Variants in OPCML observed in about 807,000 individuals in gnomAD.
The protein encoded by OPCML is opioid-binding protein/cell adhesion molecule.
A neutral mutation model predicts 37.8 loss-of-function variants in OPCML; 13 were observed. That is an observed-to-expected ratio of 0.34 (90% CI 0.22 to 0.55). The LOEUF is 0.55. Among genes scored for constraint, OPCML ranks in the 20% least tolerant of loss-of-function variants. The pLI, the probability that OPCML is intolerant of heterozygous loss-of-function variation, is 0.91. For missense variants in OPCML, 341 were observed against 435.6 expected (o/e 0.78, Z 1.93); for synonymous variants, 176 against 168.8 (o/e 1.04, Z -0.33).
chr11:132,631,568 G>T lies in OPCML; in HGVS notation c.379+25519C>A, dbSNP rs1020711343. Among the ~76,000 whole-genome samples, 18 of 150,484 alleles carry T rather than the reference G, an allele frequency of 1.2e-4. No individual in the cohort carries two copies. The South Asian group carries it at 3.8e-3, about 31-fold the overall frequency. On this transcript the variant is annotated intron_variant, in intron 3 of 7. Coordinates refer to ENST00000524381, the MANE Select transcript of OPCML (RefSeq NM_001012393.5). ...TCCGCCTCCCGGGTTCACGCCATTC[G>T]CCTGCCTCAGCCTCCCGAGTAGCTG...
At chr11:132,530,567 G>C (rs1451001571) in intron 3 of OPCML, among the ~76,000 whole-genome samples, 1 of 152,080 alleles carries the variant, frequency 6.6e-6, no homozygotes, top group Non-Finnish European at 1.5e-5. Flanking sequence ...TACCATGTTT[G>C]ACAAACAAAC....
chr11:133,271,574 T>C (rs951851967), intron 1 of OPCML, among the ~76,000 whole-genome samples: 3 of 152,224 alleles, frequency 2.0e-5, no homozygotes, highest in Admixed American at 6.5e-5. Flanking sequence ...AACACATGCA[T>C]TGTTTCACTG....
chr11:133,449,238 C>CT (rs1165322686), intron 1 of OPCML, among the ~76,000 whole-genome samples: 1 of 152,162 alleles, frequency 6.6e-6, no homozygotes, highest in African/African-American at 2.4e-5. Context: ...GATCAACAAG[C>CT]TTTTTTCTGC....
chr11:133,281,108 G>T lies in OPCML; in HGVS notation c.61+251156C>A, dbSNP rs116006184. ...TGTCCCTCACTGGGCATCACCCCTC[G>T]CTCTAGAGACACTTTGGAAGCTTGG... On this transcript the variant is annotated intron_variant, in intron 1 of 7. Coordinates refer to ENST00000524381, the MANE Select transcript of OPCML (RefSeq NM_001012393.5). 3.9e-5 allele frequency among the ~76,000 whole-genome samples: 6 copies of T among 152,212 alleles called. No homozygotes were observed. The East Asian group carries it at 7.7e-4, about 20-fold the overall frequency.
intron 4 of OPCML, among the ~76,000 whole-genome samples, chr11:132,448,550 T>A (rs1360617877): frequency 6.6e-6 from 1 of 152,078 alleles, no homozygotes; most frequent in Non-Finnish European, 1.5e-5. Flanking sequence ...GGGGCAGGGG[T>A]CCCTTTGAAA....
At chr11:133,165,409 A>G (rs1038018271) in intron 1 of OPCML, among the ~76,000 whole-genome samples, 1 of 151,640 alleles carries the variant, frequency 6.6e-6, no homozygotes, top group Non-Finnish European at 1.5e-5. Context: ...CCTCCTGGAG[A>G]CCCTCCCTGG....
chr11:132,942,144 G>A (rs550240564), intron 2 of OPCML, among the ~76,000 whole-genome samples: 3 of 152,294 alleles, frequency 2.0e-5, no homozygotes, highest in Admixed American at 6.5e-5. Context: ...CTGGTGGAAA[G>A]TGGTGGCTGC....
intron 2 of OPCML, among the ~76,000 whole-genome samples, chr11:132,785,391 C>T (rs1591607088): frequency 6.6e-6 from 1 of 152,174 alleles, no homozygotes; most frequent in African/African-American, 2.4e-5. Flanking sequence ...ATTGCTTCTG[C>T]ATCCAAGCAT....
At chr11:132,954,106 T>G (rs1945922887) in intron 1 of OPCML, among the ~76,000 whole-genome samples, 1 of 151,044 alleles carries the variant, frequency 6.6e-6, no homozygotes, top group Admixed American at 6.6e-5. Context: ...ACTACTTCAT[T>G]CAAACATTCT....
At position 132,768,145 on chromosome 11, in the gene OPCML, C is replaced by A. The variant is rs532673296; in HGVS notation, c.147-110826G>T. ...GCTGCTTTTGAAACACCAGTGTACT[C>A]AGCTTTTTCTTGTAACAAGGTACCT... On this transcript the variant is annotated intron_variant, in intron 2 of 7. Coordinates refer to ENST00000524381, the MANE Select transcript of OPCML (RefSeq NM_001012393.5). Among the ~76,000 whole-genome samples, 5 of 152,304 alleles carry A rather than the reference C, an allele frequency of 3.3e-5. No individual in the cohort carries two copies. In the South Asian group the frequency reaches 1.0e-3, roughly 32 times the overall value.
intron 3 of OPCML, among the ~76,000 whole-genome samples, chr11:132,654,374 TCAAGAGAAACTCCTCCC>T (rs1314824017): frequency 1.3e-3 from 197 of 150,494 alleles, no homozygotes; most frequent in African/African-American, 4.6e-3. Context: ...AACGTCATCA[TCAAGAGAAACTCCTCCC>T]CAAGAGAAGA....
intron 2 of OPCML, among the ~76,000 whole-genome samples, chr11:132,826,959 T>C (rs1415738502): frequency 6.6e-6 from 1 of 152,144 alleles, no homozygotes; most frequent in African/African-American, 2.4e-5. Context: ...GGGAGACAGA[T>C]ATATAGAACA....
At chr11:133,386,291 A>T (rs773040206) in intron 1 of OPCML, among the ~76,000 whole-genome samples, 47 of 152,232 alleles carry the variant, frequency 3.1e-4, no homozygotes, top group Non-Finnish European at 5.9e-4. Context: ...AGTGAATGGA[A>T]TCTTAATTAG....
chr11:132,696,541 T>A (rs1248046521), intron 2 of OPCML, among the ~76,000 whole-genome samples: 1 of 152,080 alleles, frequency 6.6e-6, no homozygotes, highest in Non-Finnish European at 1.5e-5. Context: ...TAGAAGTAAT[T>A]GTCAGGGAAA....
intron 1 of OPCML, among the ~76,000 whole-genome samples, chr11:133,448,046 G>T (rs908606156): frequency 9.2e-5 from 14 of 152,144 alleles, no homozygotes; most frequent in African/African-American, 3.4e-4. Context: ...TTTTGAAAAA[G>T]TCCAATGTAT....
intron 1 of OPCML, among the ~76,000 whole-genome samples, chr11:133,490,146 C>T (rs547765228): frequency 1.3e-5 from 2 of 152,228 alleles, no homozygotes; most frequent in African/African-American, 4.8e-5. Context: ...CTTCAGAGAG[C>T]TTGTTGTTTC....
intron 4 of OPCML, among the ~76,000 whole-genome samples, chr11:132,477,563 A>G (rs1565595805): frequency 6.6e-6 from 1 of 152,208 alleles, no homozygotes; most frequent in African/African-American, 2.4e-5. Context: ...TATGGCTAAG[A>G]GAAGAGGGCA....
At chr11:133,192,036 A>G (rs1160373964) in intron 1 of OPCML, among the ~76,000 whole-genome samples, 1 of 152,242 alleles carries the variant, frequency 6.6e-6, no homozygotes, top group Non-Finnish European at 1.5e-5. Flanking sequence ...CTAGATAGGT[A>G]CAGTAAAAAA....
At chr11:132,898,699 C>A (rs1246348052) in intron 2 of OPCML, among the ~76,000 whole-genome samples, 1 of 152,142 alleles carries the variant, frequency 6.6e-6, no homozygotes, top group Admixed American at 6.5e-5. Context: ...ACCAATACCC[C>A]TAGTGACCCA....
Sources: allele counts gnomAD v4.1 joint callset (sites outside exome capture counted in the v4.1 genomes callset), GRCh38; gene constraint gnomAD v4.1.1; transcripts MANE v1.5; gene names NCBI Gene and HGNC (gene_info 2026-07-23, HGNC 2026-07-21).